Variants in LUC7L2 observed in about 807,000 individuals in gnomAD.
LUC7L2 encodes the protein putative RNA-binding protein Luc7-like 2.
Under a neutral mutation model 52.8 loss-of-function variants are expected in LUC7L2, and 25 were observed. That is an observed-to-expected ratio of 0.47 (90% confidence interval 0.34 to 0.66). LUC7L2 has a LOEUF of 0.66. Ranked by LOEUF, LUC7L2 falls within the 30% of genes least tolerant of loss-of-function variation. The pLI is 0.01. For missense variants in LUC7L2, 328 were observed against 497.8 expected (o/e 0.66, Z 3.25); for synonymous variants, 144 against 160.9 (o/e 0.89, Z 0.80).
At chr7:139,377,208 T>A (rs1382641548) in intron 2 of LUC7L2, among the ~76,000 whole-genome samples, 2 of 152,130 alleles carry the variant, frequency 1.3e-5, no homozygotes, top group African/African-American at 2.4e-5. Context: ...TTTATTTATT[T>A]ATTTATTTTT....
chr7:139,379,954 A>T (rs1291509157), intron 2 of LUC7L2, among the ~76,000 whole-genome samples: 1 of 151,566 alleles, frequency 6.6e-6, no homozygotes, highest in Non-Finnish European at 1.5e-5. Context: ...GAGGCCGATC[A>T]CTTGAGGTCA....
chr7:139,353,744 G>T (rs1245360987), intron 1 of LUC7L2, among the ~76,000 whole-genome samples: 1 of 151,942 alleles, frequency 6.6e-6, no homozygotes, highest in African/African-American at 2.4e-5. Flanking sequence ...AGTGAGCCTA[G>T]ATTGCGCCAC....
chr7:139,362,269 T>G (rs191586426), intron 1 of LUC7L2, among the ~76,000 whole-genome samples: 3 of 152,172 alleles, frequency 2.0e-5, no homozygotes, highest in Non-Finnish European at 4.4e-5. Context: ...GAGTTTTTTT[T>G]AGATATCAAA....
At chr7:139,375,487 CCTCT>C (rs1028137512) in intron 1 of LUC7L2, 35 of 985,426 alleles carry the variant, frequency 3.6e-5, no homozygotes, top group Admixed American at 3.1e-4. Context: ...GTTATTCTAC[CCTCT>C]CTAACTCCTC....
At chr7:139,369,204 G>A (rs1020761550) in intron 1 of LUC7L2, among the ~76,000 whole-genome samples, 2 of 152,090 alleles carry the variant, frequency 1.3e-5, no homozygotes, top group Non-Finnish European at 2.9e-5. Flanking sequence ...AGAAGGCACC[G>A]GCTATCCAGA....
chr7:139,404,071 A>G (rs1014471541), intron 4 of LUC7L2, among the ~76,000 whole-genome samples: 5 of 152,224 alleles, frequency 3.3e-5, no homozygotes, highest in African/African-American at 1.2e-4. Context: ...AAAGGAAAAT[A>G]CCATTTGGTA....
intron 1 of LUC7L2, among the ~76,000 whole-genome samples, chr7:139,340,908 A>C (rs551253373): frequency 6.6e-6 from 1 of 151,706 alleles, no homozygotes; most frequent in Non-Finnish European, 1.5e-5. Flanking sequence ...ATCTGCACAC[A>C]CCCATGTCCT....
intron 2 of LUC7L2, among the ~76,000 whole-genome samples, chr7:139,381,878 ATTTTTTTTTTT>A (rs57302073): frequency 2.9e-5 from 3 of 105,168 alleles, no homozygotes; most frequent in Non-Finnish European, 3.8e-5. Context: ...GCCTGGCCTA[ATTTTTTTTTTT>A]TTTTTTTTTT....
Position 139,422,145 on chromosome 7 carries a change from C to T in LUC7L2, c.1002-18C>T. On this transcript the variant is annotated intron_variant, in intron 9 of 9. Coordinates refer to ENST00000354926, the MANE Select transcript of LUC7L2 (RefSeq NM_016019.5). ...GGGTTTCCCAACATATTTTGCTCCTCAAATTAATATTTTTCAGATCCTCAA... is the reference window on the plus strand; with the variant it reads ...GGGTTTCCCAACATATTTTGCTCCTTAAATTAATATTTTTCAGATCCTCAA... 6.3e-7 allele frequency: 1 copy of T among 1,583,578 alleles called. No individual in the cohort carries two copies. Among genetic ancestry groups the T allele is most frequent in the Non-Finnish European group, 8.5e-7 (1 of 1,170,076 alleles).
chr7:139,411,263 A>G (rs1795348631), intron 7 of LUC7L2, among the ~76,000 whole-genome samples: 1 of 152,364 alleles, frequency 6.6e-6, no homozygotes, highest in African/African-American at 2.4e-5. Context: ...ATTAAAAAAA[A>G]GTCGTTGAAT....
At chr7:139,401,135 T>C (rs1211218005) in intron 3 of LUC7L2, among the ~76,000 whole-genome samples, 1 of 152,162 alleles carries the variant, frequency 6.6e-6, no homozygotes, top group Non-Finnish European at 1.5e-5. Flanking sequence ...TGAATTTTTA[T>C]AGTGTAGATA....
intron 7 of LUC7L2, 48 bp from the exon 8 acceptor site, chr7:139,412,503 T>G: frequency 5.1e-6 from 8 of 1,568,988 alleles, no homozygotes; most frequent in Non-Finnish European, 6.9e-6. Flanking sequence ...CTGCACTGTT[T>G]TCTTATTTAT....
chr7:139,405,286 G>T (rs1301686328), intron 4 of LUC7L2, among the ~76,000 whole-genome samples: 1 of 152,332 alleles, frequency 6.6e-6, no homozygotes, highest in Middle Eastern at 3.4e-3. Flanking sequence ...AAACAACAGG[G>T]TAAGTTTGGG....
intron 2 of LUC7L2, among the ~76,000 whole-genome samples, chr7:139,390,702 C>T (rs1376119373): frequency 2.0e-5 from 3 of 151,924 alleles, no homozygotes; most frequent in Non-Finnish European, 4.4e-5. Flanking sequence ...ACTATAGGCG[C>T]CCACCACCAT....
intron 1 of LUC7L2, chr7:139,341,556 T>C (rs773788281): frequency 2.5e-6 from 4 of 1,599,772 alleles, no homozygotes; most frequent in Non-Finnish European, 2.6e-6. Flanking sequence ...CTCTACGTGC[T>C]GGGGAGGGAG....
rs10585186 is a variant in LUC7L2 at position 139,399,069 on chromosome 7, T to TTA, written c.255+385_255+386dup. Among the ~76,000 whole-genome samples, 97 of 150,998 alleles carry TTA rather than the reference T, an allele frequency of 6.4e-4. 2 individuals are homozygous for TTA. The highest frequency in any genetic ancestry group is 2.7e-3 in the South Asian group (13 of 4,790). ...CATTCATATTTATTTTTGAATCTAC[T>TTA]TATATATATATATACATGTATATAT... On this transcript the variant is annotated intron_variant, in intron 3 of 9. Transcript: ENST00000354926.
At chr7:139,341,672 C>A in intron 1 of LUC7L2, 1 of 1,369,318 alleles carries the variant, frequency 7.3e-7, no homozygotes, top group East Asian at 2.6e-5. Context: ...AACCCAGGCC[C>A]TAGGCTCCAT....
chr7:139,358,077 G>A (rs1799661513), upstream of LUC7L2, among the ~76,000 whole-genome samples: 2 of 151,916 alleles, frequency 1.3e-5, no homozygotes, highest in South Asian at 4.2e-4. Context: ...GCATAATCTC[G>A]GCTTACTGCA....
At chr7:139,357,517 A>T (rs1029896604), upstream of LUC7L2, among the ~76,000 whole-genome samples, 2 of 152,150 alleles carry the variant, frequency 1.3e-5, no homozygotes. Flanking sequence ...TCAGGGTCAG[A>T]TCACATTGTG....
Sources: allele counts gnomAD v4.1 joint callset (sites outside exome capture counted in the v4.1 genomes callset), GRCh38; gene constraint gnomAD v4.1.1; transcripts MANE v1.5; gene names NCBI Gene and HGNC (gene_info 2026-07-23, HGNC 2026-07-21).